Variants in ITGB4 observed in about 807,000 individuals in gnomAD.
ITGB4 encodes integrin beta-4.
In ITGB4, 159 loss-of-function variants were observed where a neutral mutation model predicts 207.6. The ratio of observed to expected loss-of-function variants is 0.77; its 90% CI spans 0.67 to 0.87. The LOEUF is 0.87. Ranked by LOEUF, ITGB4 falls within the 40% of genes least tolerant of loss-of-function variation. The pLI is 0.00. For missense variants in ITGB4, 2,278 were observed against 2,546.8 expected (o/e 0.89, Z 2.27); for synonymous variants, 1,020 against 1,062.7 (o/e 0.96, Z 0.78).
Position 75,740,349 on chromosome 17 carries a change from T to C in ITGB4, c.2447-9T>C, listed in dbSNP as rs918060228. Reference sequence around the variant, plus strand: ...CTCCATCTCACCCCCTCCCACCGCCTTTCCTTAGTGCCCTACGGGCTGTCC... The same window carrying C: ...CTCCATCTCACCCCCTCCCACCGCCCTTCCTTAGTGCCCTACGGGCTGTCC... On this transcript the variant is annotated splice_polypyrimidine_tract_variant and intron_variant, in intron 20 of 39. Transcript: ENST00000200181. The surrounding 1 kb of genome is among the most constrained non-coding windows in gnomAD (Gnocchi z 5.9). The C allele has an allele frequency of 2.4e-5, 39 of 1,611,460 alleles. No homozygotes were observed. Among genetic ancestry groups the C allele is most frequent in the Non-Finnish European group, 3.0e-5 (35 of 1,179,126 alleles).
intron 13 of ITGB4, among the ~76,000 whole-genome samples, chr17:75,734,160 G>A (rs1351537430): frequency 4.4e-5 from 5 of 112,672 alleles, no homozygotes; most frequent in African/African-American, 1.9e-4. Flanking sequence ...TTTTGAGACA[G>A]AGTTTCACTC....
rs775386000 is a variant in ITGB4, at chr17:75,756,521, C to T, written c.4801C>T (p.Arg1601Trp). 2.0e-5 allele frequency: 32 copies of T among 1,613,176 alleles called. No individual in the cohort carries two copies. The East Asian group carries it at 2.2e-4, about 11-fold the overall frequency. Residue 1601 changes from arginine (R) to tryptophan (W), a missense_variant, in exon 36 of 40, where the codon CGG (arginine) becomes TGG (tryptophan). Physicochemically the swap from Arg to Trp is moderately radical, Grantham distance 101. Coordinates refer to ENST00000200181, the MANE Select transcript of ITGB4 (RefSeq NM_000213.5). ...LPNHSYVFRVRAQSQEGWGRE... is the reference protein window; with the variant it reads ...LPNHSYVFRVWAQSQEGWGRE... ...CAACCACTCCTACGTGTTCCGCGTG[C>T]GGGCCCAGAGCCAGGAAGGCTGGGG...
chr17:75,747,681 G>C (rs115191461), intron 26 of ITGB4, among the ~76,000 whole-genome samples: 75 of 152,236 alleles, frequency 4.9e-4, no homozygotes, highest in African/African-American at 1.8e-3. Context: ...CTTTTGTTAA[G>C]ACAAGGTCTC....
At chr17:75,752,723 C>T in intron 32 of ITGB4, 146 bp downstream of exon 32, 1 of 1,027,564 alleles carries the variant, frequency 9.7e-7, no homozygotes, top group East Asian at 2.5e-5. Context: ...GAGTGCACAT[C>T]TGTGCATGGG....
Position 75,729,037 on chromosome 17 carries a change from A to G in ITGB4, c.567-228A>G, listed in dbSNP as rs2060791634. Reference sequence around the variant, plus strand: ...GCCAGGTGTGGTGGTGGGCGCCTGTAATTCCAGCTACTTGGGAGGCTGAGG... The same window carrying G: ...GCCAGGTGTGGTGGTGGGCGCCTGTGATTCCAGCTACTTGGGAGGCTGAGG... On this transcript the variant is annotated intron_variant, in intron 6 of 39. Coordinates refer to ENST00000200181, the MANE Select transcript of ITGB4 (RefSeq NM_000213.5). This position sits in a 1 kb window ranked among gnomAD's most constrained non-coding sequence, Gnocchi z 4.4. Among the ~76,000 whole-genome samples, 1 of 151,304 alleles carries G rather than the reference A, an allele frequency of 6.6e-6. No homozygotes were observed. Among genetic ancestry groups the G allele is most frequent in the Non-Finnish European group, 1.5e-5 (1 of 67,856 alleles).
Position 75,757,591 on chromosome 17 carries a change from G to A in ITGB4, c.*36G>A, listed in dbSNP as rs1460579796. 3.7e-6 allele frequency: 6 copies of A among 1,612,806 alleles called. No individual in the cohort carries two copies. The highest frequency in any genetic ancestry group is 1.3e-5 in the African/African-American group (1 of 74,876). On this transcript the variant is annotated 3_prime_UTR_variant, in exon 40 of 40. Transcript: ENST00000200181. ...CCCCACCCCCGCCACGTCCCACTAG[G>A]CGTCCTCCCGACTCCTCTCCCGGAG...
chr17:75,738,749 C>T (rs1277102617), intron 18 of ITGB4, among the ~76,000 whole-genome samples: 1 of 152,220 alleles, frequency 6.6e-6, no homozygotes, highest in Non-Finnish European at 1.5e-5. Context: ...AGGCGGCAGA[C>T]CACACTCCGT....
rs1220944075 is a variant in ITGB4, at chr17:75,722,252, A to G, written c.-11+640A>G. ...CCCACCAGCCCCAGGGCTGTGCCCAACACTGCCACCTCCTGCAGCATCCGC... is the reference window on the plus strand; with the variant it reads ...CCCACCAGCCCCAGGGCTGTGCCCAGCACTGCCACCTCCTGCAGCATCCGC... On this transcript the variant is annotated intron_variant, in intron 1 of 39. Transcript: ENST00000200181. This position sits in a 1 kb window ranked among gnomAD's most constrained non-coding sequence, Gnocchi z 6.2. Among the ~76,000 whole-genome samples the G allele has an allele frequency of 6.6e-6, 1 of 152,128 alleles. No homozygotes were observed. Among genetic ancestry groups the G allele is most frequent in the Non-Finnish European group, 1.5e-5 (1 of 68,018 alleles).
chr17:75,733,406 T>A, intron 12 of ITGB4, 84 bp from the exon 13 acceptor site: 1 of 1,067,652 alleles, frequency 9.4e-7, no homozygotes, highest in Non-Finnish European at 1.3e-6. Flanking sequence ...ATAAAATAAT[T>A]AAATTAAATT....
intron 1 of ITGB4, 48 bp from the exon 2 acceptor site, chr17:75,724,646 C>T (rs1213407873): frequency 1.7e-5 from 24 of 1,376,526 alleles, no homozygotes; most frequent in Middle Eastern, 1.8e-4. Flanking sequence ...CTGACGGCAC[C>T]GACCATGGCT....
rs1176005774 is a variant in ITGB4 at position 75,732,012 on chromosome 17, G to A, written c.1377+39G>A. On this transcript the variant is annotated intron_variant, in intron 11 of 39. Transcript: ENST00000200181. This position sits in a 1 kb window ranked among gnomAD's most constrained non-coding sequence, Gnocchi z 5.3. ...CCGCAGGGCGGGAGGGGAGAGCTGAGCCAAGCACCCAGGGACCCTGAGGAA... is the reference window on the plus strand; with the variant it reads ...CCGCAGGGCGGGAGGGGAGAGCTGAACCAAGCACCCAGGGACCCTGAGGAA... 7 of 1,613,676 alleles carry A rather than the reference G, an allele frequency of 4.3e-6. No homozygotes were observed. The African/African-American group carries it at 6.7e-5, about 15-fold the overall frequency.
rs2061333231 is a variant in ITGB4 at position 75,750,116 on chromosome 17, C to T, written c.3322C>T (p.Leu1108=). 4 of 1,613,614 alleles carry T rather than the reference C, an allele frequency of 2.5e-6. No homozygotes were observed. The highest frequency in any genetic ancestry group is 2.7e-5 in the African/African-American group (2 of 75,036). The change falls in exon 28 of 40, where the codon CTG becomes TTG. Residue 1108 remains leucine (L), a synonymous_variant. Transcript: ENST00000200181. The surrounding 1 kb of genome is among the most constrained non-coding windows in gnomAD (Gnocchi z 5.5). ...GCCCCAACCTGACCCGTTAGATGAA[C>T]TGGACCGGAGCTTCACGAGTCAGAT... is the stretch of plus-strand genomic sequence containing the variant. The part of the protein sequence containing the change: ...TTIIIRDPDE[L]DRSFTSQMLS...
Position 75,750,160 on chromosome 17 carries a change from C to T in ITGB4, c.3366C>T (p.Pro1122=). The change falls in exon 28 of 40, where the codon CCC becomes CCT. Residue 1122 remains proline, a synonymous_variant. Transcript: ENST00000200181. This position sits in a 1 kb window ranked among gnomAD's most constrained non-coding sequence, Gnocchi z 5.5. ...FTSQMLSSQP[P]PHGDLGAPQN... is the part of the protein sequence containing the mutation. ...GTCAGATGTTGTCATCACAGCCACC[C>T]CCTCACGGCGACCTGGGCGCCCCGC... is the stretch of plus-strand genomic sequence containing the variant. 1 of 1,613,842 alleles carries T rather than the reference C, an allele frequency of 6.2e-7. No homozygotes were observed.
At chr17:75,749,094 G>C in intron 27 of ITGB4, 49 bp downstream of exon 27, 1 of 1,485,710 alleles carries the variant, frequency 6.7e-7, no homozygotes, top group Non-Finnish European at 9.2e-7. Flanking sequence ...GGGAAGACTG[G>C]GGGGTCTCTC....
intron 2 of ITGB4, among the ~76,000 whole-genome samples, chr17:75,725,213 G>T (rs1422699605): frequency 6.6e-6 from 1 of 152,200 alleles, no homozygotes; most frequent in Admixed American, 6.5e-5. Context: ...GGGTCCTGCT[G>T]GTGGCTTGAA....
rs1317260348 is a variant in ITGB4 at position 75,753,901 on chromosome 17, GC to G, written c.4250del (p.Pro1417ArgfsTer27). The G allele has an allele frequency of 9.3e-6, 12 of 1,294,520 alleles. No homozygotes were observed. The highest frequency in any genetic ancestry group is 5.1e-5 in the South Asian group (2 of 39,244). The allele number at this position is 1,294,520 out of a possible 1,614,324, so 80.2% of individuals were successfully genotyped here. ...RSSDAEAPHG[P>X]PDDGGAGGKG... ...CCTCCGACGCCGAGGCGCCCCACGG[GC>G]CCCCGGACGACGGCGGCGCGGGCGG... is the stretch of plus-strand genomic sequence containing the variant. On this transcript the variant is annotated frameshift_variant, in exon 33 of 40. Coordinates refer to ENST00000200181, the MANE Select transcript of ITGB4 (RefSeq NM_000213.5). LOFTEE classifies it high-confidence loss of function.
intron 33 of ITGB4, 140 bp from the exon 34 acceptor site, chr17:75,754,436 A>T: frequency 1.9e-6 from 2 of 1,026,294 alleles, no homozygotes; most frequent in Non-Finnish European, 1.5e-6. Context: ...CTCTGTCCCT[A>T]GTGGTTTGAG....
rs1568366336 is a variant in ITGB4, at chr17:75,742,456, G to A, written c.2749G>A (p.Ala917Thr). ...EQRAFHDLKV[A>T]PGYYTLTADQ... Reference sequence around the variant, plus strand: ...GAGGGCCTTCCACGACCTCAAGGTGGCCCCCGGCTACTACACCCTCACTGC... The same window carrying A: ...GAGGGCCTTCCACGACCTCAAGGTGACCCCCGGCTACTACACCCTCACTGC... The change falls in exon 24 of 40, where the codon GCC becomes ACC. Residue 917 changes from alanine to threonine, a missense_variant. Physicochemically the swap from Ala to Thr is moderately conservative, Grantham distance 58 (BLOSUM62 0). Transcript: ENST00000200181. The surrounding 1 kb of genome is among the most constrained non-coding windows in gnomAD (Gnocchi z 5.9). 6.2e-7 allele frequency: 1 copy of A among 1,613,078 alleles called. No individual in the cohort carries two copies. Among genetic ancestry groups the A allele is most frequent in the Admixed American group, 1.7e-5 (1 of 59,972 alleles).
chr17:75,736,817 G>A, intron 16 of ITGB4, 123 bp downstream of exon 16: 1 of 1,105,408 alleles, frequency 9.0e-7, no homozygotes, highest in Non-Finnish European at 1.3e-6. Flanking sequence ...AGTCCGGACA[G>A]GAACTCCAGA....
Sources: allele counts gnomAD v4.1 joint callset (sites outside exome capture counted in the v4.1 genomes callset), GRCh38; gene constraint gnomAD v4.1.1; non-coding constraint Gnocchi (gnomAD v3.1); transcripts MANE v1.5; gene names NCBI Gene and HGNC (gene_info 2026-07-23, HGNC 2026-07-21).